The following CCDC171 variants were observed in gnomAD, a reference collection of about 807,000 sequenced individuals.
The protein encoded by CCDC171 is coiled-coil domain-containing protein 171.
CCDC171 carries 177 observed loss-of-function variants against 168.2 expected under a neutral mutation model. The ratio of observed to expected loss-of-function variants is 1.05; its 90% confidence interval spans 0.93 to 1.19. The LOEUF (loss-of-function observed/expected upper bound fraction) is 1.19, where lower values mean the gene tolerates loss of function less well. Among genes scored for constraint, CCDC171 ranks in the 50% most tolerant of loss-of-function variants. CCDC171 has a pLI of 0.00. For synonymous variants in CCDC171, 687 were observed against 540.8 expected (o/e 1.27, Z -3.75); for missense variants, 1,991 against 1,539.0 (o/e 1.29, Z -4.91).
intron 21 of CCDC171, among the ~76,000 whole-genome samples, chr9:15,840,401 G>C (rs1413769198): frequency 2.0e-5 from 3 of 152,056 alleles, no homozygotes; most frequent in African/African-American, 7.2e-5. Context: ...GCAATTTTTT[G>C]GACCTCCACA....
rs1354395316 is a variant in CCDC171, at chr9:15,553,289, G to T, written c.-125G>T. 6.6e-6 allele frequency: 1 copy of T among 152,416 alleles called. No homozygotes were observed. Among genetic ancestry groups the T allele is most frequent in the African/African-American group, 2.4e-5 (1 of 41,560 alleles). The allele number at this position is 152,416 out of a possible 1,614,324, so 9.4% of individuals were successfully genotyped here. A position where few individuals can be genotyped will look rare whatever the true frequency, so the allele number is the denominator to read the frequency against. ...GTCTTGGGTGTGCAGCACGGATCAC[G>T]CGAGACCCCTGAGGTAACCGCACGG... is the stretch of plus-strand genomic sequence containing the variant. On this transcript the variant is annotated 5_prime_UTR_variant, in exon 1 of 26. Coordinates refer to ENST00000380701, the MANE Select transcript of CCDC171 (RefSeq NM_173550.4).
At chr9:15,579,601 A>G in intron 4 of CCDC171, among the ~76,000 whole-genome samples, 1 of 152,210 alleles carries the variant, frequency 6.6e-6, no homozygotes, top group Non-Finnish European at 1.5e-5. Flanking sequence ...GATATCACTC[A>G]TAACAAGCAC....
chr9:15,886,972 G>A (rs1819510386), intron 24 of CCDC171, among the ~76,000 whole-genome samples: 1 of 152,100 alleles, frequency 6.6e-6, no homozygotes, highest in Non-Finnish European at 1.5e-5. Context: ...GTGGTTGGGG[G>A]TGGTTGGGGG....
At chr9:15,959,591 A>G (rs1830145944) in intron 25 of CCDC171, among the ~76,000 whole-genome samples, 1 of 152,166 alleles carries the variant, frequency 6.6e-6, no homozygotes, top group African/African-American at 2.4e-5. Context: ...ATTATTATCT[A>G]GTAGACAACC....
chr9:15,741,850 G>A (rs542854111), intron 16 of CCDC171, among the ~76,000 whole-genome samples: 3 of 152,128 alleles, frequency 2.0e-5, no homozygotes, highest in African/African-American at 4.8e-5. Flanking sequence ...GCATTGCTCC[G>A]GAACTTGGTA....
the CCDC171 span, among the ~76,000 whole-genome samples, chr9:16,086,311 A>ATT: frequency 8.4e-3 from 1,184 of 141,442 alleles, 14 homozygotes; most frequent in African/African-American, 0.023. Context: ...CCCCTTTATC[A>ATT]TTTTTTTTTT....
intron 16 of CCDC171, among the ~76,000 whole-genome samples, chr9:15,742,613 T>A (rs2054957669): frequency 6.6e-6 from 1 of 152,170 alleles, no homozygotes; most frequent in Non-Finnish European, 1.5e-5. Flanking sequence ...GGGCCACCAC[T>A]TGCTTTACTA....
At chr9:16,100,412 G>C in the CCDC171 span, among the ~76,000 whole-genome samples, 4 of 152,116 alleles carry the variant, frequency 2.6e-5, no homozygotes, top group Non-Finnish European at 5.9e-5. Context: ...CAGGATAAAG[G>C]GTGGGGGGTC....
chr9:16,079,733 G>A, the CCDC171 span, among the ~76,000 whole-genome samples: 1 of 152,214 alleles, frequency 6.6e-6, no homozygotes, highest in Non-Finnish European at 1.5e-5. Flanking sequence ...CTTCGTTAGA[G>A]CAGATTTAGC....
chr9:15,620,028 A>G (rs1318134332), intron 6 of CCDC171, among the ~76,000 whole-genome samples: 1 of 152,064 alleles, frequency 6.6e-6, no homozygotes, highest in Non-Finnish European at 1.5e-5. Flanking sequence ...TGCTGCTCAG[A>G]AAAAAAAGAT....
downstream of CCDC171, among the ~76,000 whole-genome samples, chr9:16,065,809 G>GGTGTGTGTGTGTGTGT (rs113107786): frequency 9.8e-4 from 142 of 144,332 alleles, 1 homozygote; most frequent in East Asian, 5.4e-3. Context: ...TTGTGTGCAT[G>GGTGTGTGTGTGTGTGT]GTGTGTGTGT....
chr9:15,648,662 A>C (rs1198540173), intron 7 of CCDC171, among the ~76,000 whole-genome samples: 2 of 152,228 alleles, frequency 1.3e-5, no homozygotes, highest in Non-Finnish European at 2.9e-5. Context: ...CTACAAATAG[A>C]ATAAAATACC....
At chr9:16,081,354 A>G in the CCDC171 span, among the ~76,000 whole-genome samples, 1 of 152,182 alleles carries the variant, frequency 6.6e-6, no homozygotes, top group African/African-American at 2.4e-5. Flanking sequence ...AGGGCTTAAG[A>G]CAATCCATGC....
chr9:15,692,564 T>G (rs62573088), intron 10 of CCDC171, among the ~76,000 whole-genome samples: 139,132 of 148,636 alleles, frequency 0.94, 65,217 homozygotes, highest in East Asian at 1. Flanking sequence ...GTCTCACTCT[T>G]TTTCCCAGGC....
At chr9:15,605,538 T>C (rs1430794414) in intron 6 of CCDC171, among the ~76,000 whole-genome samples, 1 of 99,588 alleles carries the variant, frequency 1.0e-5, no homozygotes, top group Non-Finnish European at 2.0e-5. Context: ...AAAAAAAAAA[T>C]TAGCCGGGAG....
intron 16 of CCDC171, among the ~76,000 whole-genome samples, chr9:15,732,216 C>T (rs1284432503): frequency 1.3e-5 from 2 of 151,978 alleles, no homozygotes; most frequent in Non-Finnish European, 2.9e-5. Context: ...ATCTTTTTCT[C>T]TTTTGGCTAT....
At chr9:15,833,875 A>G (rs1162469253) in intron 21 of CCDC171, among the ~76,000 whole-genome samples, 2 of 152,194 alleles carry the variant, frequency 1.3e-5, no homozygotes, top group African/African-American at 4.8e-5. Flanking sequence ...AACTTAGCCC[A>G]AGTTTCAGAG....
At chr9:15,876,358 C>A (rs1418650622) in intron 24 of CCDC171, among the ~76,000 whole-genome samples, 1 of 152,026 alleles carries the variant, frequency 6.6e-6, no homozygotes, top group Non-Finnish European at 1.5e-5. Context: ...TAACTATGTA[C>A]CAGGTACCAT....
intron 25 of CCDC171, among the ~76,000 whole-genome samples, chr9:15,950,681 A>G (rs1011945716): frequency 1.3e-5 from 2 of 152,156 alleles, no homozygotes; most frequent in African/African-American, 2.4e-5. Context: ...GCCAAAATGT[A>G]AAGACCATCG....
Sources: allele counts gnomAD v4.1 joint callset (sites outside exome capture counted in the v4.1 genomes callset), GRCh38; gene constraint gnomAD v4.1.1; transcripts MANE v1.5; gene names NCBI Gene and HGNC (gene_info 2026-07-23, HGNC 2026-07-21).